EFCAB6: variants seen among roughly 807,000 people sequenced by gnomAD.
EFCAB6 encodes EF-hand calcium-binding domain-containing protein 6.
A neutral mutation model predicts 169.8 loss-of-function variants in EFCAB6; 156 were observed. That is an observed-to-expected ratio of 0.92 (90% CI 0.81 to 1.05). EFCAB6 has a LOEUF of 1.05. Among genes scored for constraint, EFCAB6 ranks in the 50% least tolerant of loss-of-function variants. The pLI is 0.00. For missense variants in EFCAB6, 1,800 were observed against 1,829.1 expected, an observed-to-expected ratio of 0.98 and a Z score of 0.29; for synonymous variants, 698 against 676.4, an observed-to-expected ratio of 1.03 and a Z score of -0.50.
At chr22:43,718,421 A>G (rs1276279195) in intron 8 of EFCAB6, among the ~76,000 whole-genome samples, 4 of 152,172 alleles carry the variant, frequency 2.6e-5, no homozygotes, top group Non-Finnish European at 1.5e-5. Flanking sequence ...CCTAGCTCCA[A>G]AAAAGAGAAA....
Position 43,763,515 on chromosome 22 carries a change from C to T in EFCAB6, c.440+1790G>A, listed in dbSNP as rs142536113. 1.3e-3 allele frequency among the ~76,000 whole-genome samples: 205 copies of T among 152,288 alleles called. 1 individual carries two copies. The highest frequency in any genetic ancestry group is 4.4e-3 in the African/African-American group (182 of 41,564). ...TAAATTCCCTATCTCCCCCTCCCCA[C>T]GACACAAATTCTTACACCTAAACTG... On this transcript the variant is annotated intron_variant, in intron 5 of 31. Coordinates refer to ENST00000262726, the MANE Select transcript of EFCAB6 (RefSeq NM_022785.4).
chr22:43,594,420 T>C (rs1314298410), intron 23 of EFCAB6, among the ~76,000 whole-genome samples: 1 of 151,228 alleles, frequency 6.6e-6, no homozygotes, highest in African/African-American at 2.4e-5. Flanking sequence ...TAAAGACACA[T>C]ATAGATTGAA....
At chr22:43,625,356 C>T (rs182875445) in intron 20 of EFCAB6, among the ~76,000 whole-genome samples, 214 of 152,266 alleles carry the variant, frequency 1.4e-3, no homozygotes, top group African/African-American at 4.1e-3. Context: ...GGAAGACACA[C>T]CTCAGTACTA....
intron 2 of EFCAB6, among the ~76,000 whole-genome samples, chr22:43,783,322 C>G (rs1308409134): frequency 6.6e-6 from 1 of 152,126 alleles, no homozygotes; most frequent in Non-Finnish European, 1.5e-5. Context: ...TGAAAAAGCG[C>G]CCACATATTC....
chr22:43,674,755 G>A (rs995405841), intron 13 of EFCAB6, among the ~76,000 whole-genome samples: 2 of 152,126 alleles, frequency 1.3e-5, no homozygotes, highest in African/African-American at 2.4e-5. Context: ...AACCTTACAA[G>A]GTGGTACCAT....
chr22:43,702,579 G>C (rs1243873916), intron 10 of EFCAB6, among the ~76,000 whole-genome samples: 3 of 152,154 alleles, frequency 2.0e-5, no homozygotes, highest in Non-Finnish European at 4.4e-5. Flanking sequence ...CCAGCTTCCT[G>C]GCATTCCAAG....
chr22:43,778,901 T>A (rs1260572794), intron 3 of EFCAB6, among the ~76,000 whole-genome samples: 3 of 152,048 alleles, frequency 2.0e-5, no homozygotes, highest in Non-Finnish European at 4.4e-5. Context: ...TTTTTTTTTT[T>A]AATTGCAAGA....
chr22:43,653,460 CTAAAATATTTTT>C (rs967238293), intron 17 of EFCAB6, among the ~76,000 whole-genome samples: 9 of 152,280 alleles, frequency 5.9e-5, no homozygotes, highest in Admixed American at 6.5e-5. Context: ...TTTTTCCCAG[CTAAAATATTTTT>C]TAAAATAAGG....
At chr22:43,702,092 A>G (rs141143238) in intron 10 of EFCAB6, among the ~76,000 whole-genome samples, 5 of 152,336 alleles carry the variant, frequency 3.3e-5, no homozygotes, top group Middle Eastern at 6.8e-3. Context: ...AGAAACAGAA[A>G]TTAAAACAAT....
chr22:43,565,698 T>C (rs73887344), intron 26 of EFCAB6, among the ~76,000 whole-genome samples: 6,297 of 152,254 alleles, frequency 0.041, 168 homozygotes, highest in South Asian at 0.063. Context: ...ATATACTAAG[T>C]TTTGTTCTGA....
intron 13 of EFCAB6, among the ~76,000 whole-genome samples, chr22:43,675,122 C>T (rs1307608819): frequency 4.0e-5 from 6 of 149,226 alleles, no homozygotes; most frequent in African/African-American, 1.5e-4. Flanking sequence ...CTTAAGAATG[C>T]ATAAAGGAAT....
At chr22:43,724,455 C>A (rs1384950868) in intron 8 of EFCAB6, among the ~76,000 whole-genome samples, 1 of 151,230 alleles carries the variant, frequency 6.6e-6, no homozygotes, top group Non-Finnish European at 1.5e-5. Flanking sequence ...GCAACCTCTG[C>A]CTCCTGGGTT....
chr22:43,766,024 G>A (rs1455520224), intron 4 of EFCAB6, among the ~76,000 whole-genome samples: 1 of 152,060 alleles, frequency 6.6e-6, no homozygotes, highest in Non-Finnish European at 1.5e-5. Flanking sequence ...CCCCTCAAGT[G>A]TTTTTTGTTT....
At chr22:43,645,453 C>T (rs1252981614) in intron 17 of EFCAB6, among the ~76,000 whole-genome samples, 1 of 152,124 alleles carries the variant, frequency 6.6e-6, no homozygotes, top group Non-Finnish European at 1.5e-5. Context: ...AGAGTTGGAC[C>T]ACTACTGTGT....
chr22:43,636,738 G>A (rs1293576880), intron 17 of EFCAB6, among the ~76,000 whole-genome samples: 1 of 151,128 alleles, frequency 6.6e-6, no homozygotes, highest in Non-Finnish European at 1.5e-5. Flanking sequence ...AGCCTCCCGA[G>A]TAGCTGGGAC....
In EFCAB6 at chr22:43,812,172, A is replaced by C. The variant is rs16991060; in HGVS notation, c.-149T>G. 6.8e-6 allele frequency: 1 copy of C among 147,784 alleles called. No homozygotes were observed. The highest frequency in any genetic ancestry group is 2.4e-5 in the African/African-American group (1 of 40,882). 9.2% of individuals were successfully genotyped at this position (147,784 alleles called of 1,614,324 possible). A position where few individuals can be genotyped will look rare whatever the true frequency, so the allele number is the denominator to read the frequency against. ...CCACCCCGAATACAGCCTTACCGGG[A>C]ACCCCTCCTCGATTCTCCGCCTAGC... is the stretch of plus-strand genomic sequence containing the variant. On this transcript the variant is annotated 5_prime_UTR_variant, in exon 1 of 32. Coordinates refer to ENST00000262726, the MANE Select transcript of EFCAB6 (RefSeq NM_022785.4).
At chr22:43,761,899 C>A (rs1013192023) in intron 5 of EFCAB6, among the ~76,000 whole-genome samples, 1 of 152,150 alleles carries the variant, frequency 6.6e-6, no homozygotes, top group African/African-American at 2.4e-5. Context: ...TGTTTGGAGA[C>A]CCGATTCTAT....
intron 3 of EFCAB6, among the ~76,000 whole-genome samples, chr22:43,780,145 G>A (rs897799220): frequency 2.6e-5 from 4 of 152,230 alleles, no homozygotes; most frequent in South Asian, 4.2e-4. Flanking sequence ...ATGTGCTAAG[G>A]TGTGAGCTTC....
intron 25 of EFCAB6, among the ~76,000 whole-genome samples, chr22:43,578,804 ATG>A (rs1569188947): frequency 1.3e-5 from 1 of 75,940 alleles, no homozygotes; most frequent in African/African-American, 4.7e-5. Flanking sequence ...CATTCCCTAC[ATG>A]CAGGCATCAT....
Sources: gnomAD v4.1 joint callset for allele counts (sites outside exome capture counted in the v4.1 genomes callset) on GRCh38, gnomAD v4.1.1 for gene constraint, MANE v1.5 for transcripts, NCBI Gene and HGNC (gene_info 2026-07-23, HGNC 2026-07-21) for gene names.